LAMP5: variants seen among roughly 807,000 people sequenced by gnomAD.
The protein encoded by LAMP5 is lysosome-associated membrane glycoprotein 5.
LAMP5 carries 36 observed loss-of-function variants against 30.2 expected under a neutral mutation model. That is an observed-to-expected ratio of 1.19 (90% CI 0.91 to 1.57). The LOEUF (loss-of-function observed/expected upper bound fraction) is 1.57. LAMP5 is among the 40% of genes most tolerant of loss of function. The pLI is 0.00. For synonymous variants in LAMP5, 149 were observed against 134.6 expected, an observed-to-expected ratio of 1.11 and a Z score of -0.74; for missense variants, 377 against 354.9, an observed-to-expected ratio of 1.06 and a Z score of -0.50.
At chr20:9,519,254 C>A (rs985185119) in intron 5 of LAMP5, among the ~76,000 whole-genome samples, 2 of 152,084 alleles carry the variant, frequency 1.3e-5, no homozygotes, top group Non-Finnish European at 2.9e-5. Context: ...TTTGTTTATG[C>A]CTTTCTTTGG....
chr20:9,520,486 C>T (rs915053936), intron 5 of LAMP5, among the ~76,000 whole-genome samples: 1 of 152,174 alleles, frequency 6.6e-6, no homozygotes, highest in East Asian at 1.9e-4. Context: ...AGGGGCCTTT[C>T]GGTGTGTGCA....
At chr20:9,529,026 T>C (rs927169609) in intron 5 of LAMP5, among the ~76,000 whole-genome samples, 4 of 152,260 alleles carry the variant, frequency 2.6e-5, no homozygotes, top group Admixed American at 2.6e-4. Flanking sequence ...GTTTCCAGTT[T>C]TAGGCTATTA....
At position 9,530,084 on chromosome 20, in the gene LAMP5, G is replaced by A. The variant is rs1482923307; in HGVS notation, c.*264G>A. The A allele has an allele frequency of 6.2e-6, 2 of 324,346 alleles. No homozygotes were observed. Among genetic ancestry groups the A allele is most frequent in the South Asian group, 8.3e-5 (1 of 12,036 alleles). 20.1% of individuals were successfully genotyped at this position (324,346 alleles called of 1,614,324 possible). On this transcript the variant is annotated 3_prime_UTR_variant, in exon 6 of 6. Coordinates refer to ENST00000246070, the MANE Select transcript of LAMP5 (RefSeq NM_012261.4). Reference sequence around the variant, plus strand: ...GTCTCAGACAGCTTTCGTGCTCATGGTGGCTTGGCTTTGACTCTCCAAAGA... The same window carrying A: ...GTCTCAGACAGCTTTCGTGCTCATGATGGCTTGGCTTTGACTCTCCAAAGA...
At chr20:9,529,321 G>A (rs946000652) in intron 5 of LAMP5, among the ~76,000 whole-genome samples, 1 of 147,658 alleles carries the variant, frequency 6.8e-6, no homozygotes, top group East Asian at 1.9e-4. Context: ...AGTTAAAAAT[G>A]AATCAACAAT....
intron 5 of LAMP5, among the ~76,000 whole-genome samples, chr20:9,523,184 T>C (rs963694899): frequency 3.3e-5 from 5 of 152,210 alleles, no homozygotes; most frequent in African/African-American, 1.2e-4. Flanking sequence ...ATACAAAATA[T>C]ATTTTGCTGA....
chr20:9,515,516 C>T lies in LAMP5; in HGVS notation c.128C>T (p.Pro43Leu). 1 of 1,614,146 alleles carries T rather than the reference C, an allele frequency of 6.2e-7. No individual in the cohort carries two copies. Among genetic ancestry groups the T allele is most frequent in the Non-Finnish European group, 8.5e-7 (1 of 1,180,030 alleles). ...AATCTCTCAGGCCTTTCCACTAACC[C>T]TGAAAAAGATATATTTGTGGTGCGG... is the stretch of plus-strand genomic sequence containing the variant. ...VENLSGLSTN[P>L]EKDIFVVREN... The change falls in exon 2 of 6, where the codon CCT (proline) becomes CTT (leucine). Residue 43 changes from proline (P) to leucine (L), a missense_variant. Pro to Leu is a moderately conservative substitution (Grantham distance 98). Coordinates refer to ENST00000246070, the MANE Select transcript of LAMP5 (RefSeq NM_012261.4).
intron 5 of LAMP5, among the ~76,000 whole-genome samples, chr20:9,528,456 T>C (rs944137764): frequency 1.3e-5 from 2 of 152,170 alleles, no homozygotes; most frequent in African/African-American, 4.8e-5. Context: ...CCATGTGTTG[T>C]ACATTTCAAA....
At chr20:9,515,416 G>A in intron 1 of LAMP5, 37 bp from the exon 2 acceptor site, 2 of 1,593,602 alleles carry the variant, frequency 1.3e-6, no homozygotes, top group African/African-American at 1.3e-5. Flanking sequence ...CGTGGGCTGA[G>A]CCCTGAACTG....
At chr20:9,526,111 A>T (rs2045110710) in intron 5 of LAMP5, among the ~76,000 whole-genome samples, 1 of 152,232 alleles carries the variant, frequency 6.6e-6, no homozygotes, top group African/African-American at 2.4e-5. Flanking sequence ...GGCCTACTCA[A>T]GTAGCAGCCT....
At chr20:9,515,971 G>A in intron 2 of LAMP5, 29 bp from the exon 3 acceptor site, 1 of 1,482,260 alleles carries the variant, frequency 6.7e-7, no homozygotes, top group Non-Finnish European at 8.9e-7. Context: ...CGGGCGAGCT[G>A]AGGGGGCGCG....
intron 5 of LAMP5, among the ~76,000 whole-genome samples, chr20:9,525,381 T>C (rs1474804193): frequency 1.3e-5 from 2 of 152,196 alleles, no homozygotes; most frequent in African/African-American, 4.8e-5. Flanking sequence ...TTCTGTAGTA[T>C]GACGTTGGAT....
In LAMP5 at chr20:9,515,554, A is replaced by G. The variant is rs772481702; in HGVS notation, c.166A>G (p.Thr56Ala). Reference protein sequence around the residue: ...DIFVVRENGTTCLMAEFAAKF... With the variant: ...DIFVVRENGTACLMAEFAAKF... ...ATTTGTGGTGCGGGAAAATGGGACG[A>G]CGTGTCTCATGGCAGAGTTTGCAGC... Residue 56 changes from threonine to alanine, a missense_variant, in exon 2 of 6, where the codon ACG becomes GCG. Thr to Ala is a moderately conservative substitution (Grantham distance 58, BLOSUM62 0). Coordinates refer to ENST00000246070, the MANE Select transcript of LAMP5 (RefSeq NM_012261.4). 2.5e-6 allele frequency: 4 copies of G among 1,614,178 alleles called. No individual in the cohort carries two copies. The highest frequency in any genetic ancestry group is 3.4e-6 in the Non-Finnish European group (4 of 1,180,024).
rs545267060 is a variant in LAMP5, at chr20:9,517,636, T to C, written c.476-404T>C. ...TTGTAAATGTATGTGTGTGTGTGTG[T>C]ATTTGTAGAGACAGAGTCTCACTAT... On this transcript the variant is annotated intron_variant, in intron 4 of 5. Coordinates refer to ENST00000246070, the MANE Select transcript of LAMP5 (RefSeq NM_012261.4). 3.9e-5 allele frequency among the ~76,000 whole-genome samples: 6 copies of C among 152,036 alleles called. No individual in the cohort carries two copies. The South Asian group carries it at 1.0e-3, about 26-fold the overall frequency.
At chr20:9,526,642 T>C (rs1373656420) in intron 5 of LAMP5, among the ~76,000 whole-genome samples, 1 of 152,082 alleles carries the variant, frequency 6.6e-6, no homozygotes, top group East Asian at 1.9e-4. Flanking sequence ...TTGGGACTCA[T>C]TAGAATGGAA....
intron 5 of LAMP5, among the ~76,000 whole-genome samples, chr20:9,523,672 G>C (rs1254193410): frequency 6.6e-6 from 1 of 152,136 alleles, no homozygotes; most frequent in Admixed American, 6.5e-5. Flanking sequence ...CACTTACCCT[G>C]TTGTGTGTAC....
intron 5 of LAMP5, among the ~76,000 whole-genome samples, chr20:9,525,574 G>A (rs541285283): frequency 6.6e-6 from 1 of 152,258 alleles, no homozygotes; most frequent in South Asian, 2.1e-4. Flanking sequence ...CTGGATCTAT[G>A]GAGACCACTA....
chr20:9,515,748 C>T, intron 2 of LAMP5, 123 bp downstream of exon 2: 2 of 1,125,470 alleles, frequency 1.8e-6, no homozygotes, highest in Non-Finnish European at 2.6e-6. Flanking sequence ...CAGGCTGCTC[C>T]CGAATGCTGC....
At chr20:9,516,171 G>A in intron 3 of LAMP5, 40 bp downstream of exon 3, 1 of 1,595,100 alleles carries the variant, frequency 6.3e-7, no homozygotes, top group Non-Finnish European at 8.5e-7. Flanking sequence ...CGCAGGCTCC[G>A]CGTGGGTGTG....
chr20:9,517,374 C>T (rs897426854), intron 4 of LAMP5, among the ~76,000 whole-genome samples: 1 of 152,144 alleles, frequency 6.6e-6, no homozygotes, highest in Non-Finnish European at 1.5e-5. Context: ...TTGCCAGGCC[C>T]GTGTGAAATG....
Sources: gnomAD v4.1 joint callset for allele counts (sites outside exome capture counted in the v4.1 genomes callset) on GRCh38, gnomAD v4.1.1 for gene constraint, MANE v1.5 for transcripts, NCBI Gene and HGNC (gene_info 2026-07-23, HGNC 2026-07-21) for gene names.